COBL: variants seen among roughly 807,000 people sequenced by gnomAD.
COBL encodes cordon-bleu WH2 repeat protein.
COBL carries 51 observed loss-of-function variants against 98.8 expected under a neutral mutation model. That is an observed-to-expected ratio of 0.52 (90% confidence interval 0.41 to 0.65). The LOEUF is 0.65. Among genes scored for constraint, COBL ranks in the 30% least tolerant of loss-of-function variants. COBL has a pLI of 0.00. For synonymous variants in COBL, 634 were observed against 651.7 expected (o/e 0.97, Z 0.41); for missense variants, 1,617 against 1,617.5 (o/e 1.00, Z 0.01).
chr7:51,213,341 G>A (rs903551038), intron 2 of COBL, among the ~76,000 whole-genome samples: 1 of 152,208 alleles, frequency 6.6e-6, no homozygotes, highest in Non-Finnish European at 1.5e-5. Flanking sequence ...CAACCGCAGT[G>A]GCATTCGATT....
chr7:51,299,081 A>C (rs1177937183), intron 1 of COBL, among the ~76,000 whole-genome samples: 1 of 152,208 alleles, frequency 6.6e-6, no homozygotes, highest in African/African-American at 2.4e-5. Context: ...TGGGCACCTC[A>C]TATCTTTCTG....
intron 5 of COBL, among the ~76,000 whole-genome samples, chr7:51,158,810 G>C (rs908281658): frequency 2.0e-5 from 3 of 152,180 alleles, no homozygotes; most frequent in Non-Finnish European, 4.4e-5. Flanking sequence ...AAGCACACTG[G>C]CCTGAGCCAG....
chr7:51,095,432 A>C (rs1724302280), intron 6 of COBL, among the ~76,000 whole-genome samples: 1 of 152,216 alleles, frequency 6.6e-6, no homozygotes, highest in African/African-American at 2.4e-5. Context: ...CGTCAACAAA[A>C]TACAAAGGAG....
At chr7:51,043,344 C>T in intron 8 of COBL, 39 bp downstream of exon 8, 2 of 1,577,528 alleles carry the variant, frequency 1.3e-6, no homozygotes, top group Non-Finnish European at 1.7e-6. Context: ...ACAGATGTGG[C>T]TGTGACTTCC....
In COBL at chr7:51,029,135, C is replaced by T; in HGVS notation, c.1961G>A (p.Cys654Tyr). 3 of 1,614,206 alleles carry T rather than the reference C, an allele frequency of 1.9e-6. No individual in the cohort carries two copies. Among genetic ancestry groups the T allele is most frequent in the Non-Finnish European group, 1.7e-6 (2 of 1,180,042 alleles). ...GGCTTGAGTCCTCTCCCCGTCAGCA[C>T]AGCCATACACTTTGTCTTTCACTTT... is the stretch of plus-strand genomic sequence containing the variant. ...NAKVKDKVYG[C>Y]ADGERTQATE... The change falls in exon 10 of 13, where the codon TGT becomes TAT. Residue 654 changes from cysteine (C) to tyrosine (Y), a missense_variant. Coordinates refer to ENST00000265136, the MANE Select transcript of COBL (RefSeq NM_015198.5).
chr7:51,026,387 C>T (rs1226371692), intron 11 of COBL, among the ~76,000 whole-genome samples, 159 bp downstream of exon 11: 1 of 152,206 alleles, frequency 6.6e-6, no homozygotes, highest in African/African-American at 2.4e-5. Flanking sequence ...GGGTGTCCAC[C>T]CCAGTGTCTC....
intron 6 of COBL, among the ~76,000 whole-genome samples, chr7:51,089,179 G>A (rs1054319891): frequency 1.3e-5 from 2 of 152,088 alleles, no homozygotes; most frequent in African/African-American, 4.8e-5. Context: ...CAGCAGTCAA[G>A]TTTCAGCTTC....
At chr7:51,299,480 C>T (rs1482385862) in intron 1 of COBL, among the ~76,000 whole-genome samples, 1 of 152,188 alleles carries the variant, frequency 6.6e-6, no homozygotes, top group Non-Finnish European at 1.5e-5. Context: ...TTAATAATCC[C>T]TAGCATATGA....
At chr7:51,266,231 T>C (rs1328903490) in intron 1 of COBL, among the ~76,000 whole-genome samples, 1 of 152,240 alleles carries the variant, frequency 6.6e-6, no homozygotes, top group Non-Finnish European at 1.5e-5. Context: ...AATTGTATTA[T>C]AGGCAAAAGC....
intron 1 of COBL, among the ~76,000 whole-genome samples, chr7:51,240,614 G>A (rs1459995926): frequency 1.3e-5 from 2 of 151,994 alleles, no homozygotes; most frequent in Non-Finnish European, 1.5e-5. Context: ...TGGCGCGATC[G>A]CGGCTCACTA....
In COBL at chr7:51,116,981, C is replaced by T. The variant is rs144081101; in HGVS notation, c.957+19177G>A. Reference sequence around the variant, plus strand: ...TAAGTTCTAGGGTACATGTGCACAACGTGCAGGTTTGTTACATATGTACAC... The same window carrying T: ...TAAGTTCTAGGGTACATGTGCACAATGTGCAGGTTTGTTACATATGTACAC... On this transcript the variant is annotated intron_variant, in intron 6 of 12. Transcript: ENST00000265136. Among the ~76,000 whole-genome samples the T allele has an allele frequency of 7.0e-4, 107 of 152,036 alleles. No individual in the cohort carries two copies. The East Asian group carries it at 0.018, about 26-fold the overall frequency.
chr7:51,086,359 A>G (rs976934081), intron 6 of COBL, among the ~76,000 whole-genome samples: 7 of 31,188 alleles, frequency 2.2e-4, no homozygotes, highest in Admixed American at 6.5e-4. Flanking sequence ...TGTGTCTCAG[A>G]AAAAAAAAAA....
chr7:51,022,412 C>T (rs1249632583), intron 12 of COBL, among the ~76,000 whole-genome samples: 1 of 152,224 alleles, frequency 6.6e-6, no homozygotes, highest in Non-Finnish European at 1.5e-5. Context: ...TAGCACTTTA[C>T]AGCCACGGTG....
At chr7:51,126,689 C>T (rs1235518021) in intron 6 of COBL, among the ~76,000 whole-genome samples, 1 of 152,124 alleles carries the variant, frequency 6.6e-6, no homozygotes, top group African/African-American at 2.4e-5. Flanking sequence ...TCGTCAGAGA[C>T]CCTGAGAGTC....
In COBL at chr7:51,227,613, C is replaced by T. The variant is rs1794333849; in HGVS notation, c.42-7669G>A. ...ACTTCCTTAGACTTGTGCAGAGACC[C>T]TGCTCTTTTTAAACTGCCACATGCC... On this transcript the variant is annotated intron_variant, in intron 1 of 12. Coordinates refer to ENST00000265136, the MANE Select transcript of COBL (RefSeq NM_015198.5). Among the ~76,000 whole-genome samples the T allele has an allele frequency of 2.0e-5, 3 of 152,266 alleles. No individual in the cohort carries two copies. The South Asian group carries it at 6.2e-4, about 32-fold the overall frequency.
In COBL at chr7:51,229,280, G is replaced by A. The variant is rs534146589; in HGVS notation, c.42-9336C>T. On this transcript the variant is annotated intron_variant, in intron 1 of 12. Transcript: ENST00000265136. ...CAGCTTTTCCCCGAGCAAGCCCGCGGTGCCGGCGCCTGTACTCCCGGCAAC... is the reference window on the plus strand; with the variant it reads ...CAGCTTTTCCCCGAGCAAGCCCGCGATGCCGGCGCCTGTACTCCCGGCAAC... 1.4e-4 allele frequency among the ~76,000 whole-genome samples: 22 copies of A among 152,344 alleles called. 1 individual carries two copies. In the South Asian group the frequency reaches 4.2e-3, roughly 29 times the overall value.
intron 7 of COBL, among the ~76,000 whole-genome samples, chr7:51,067,080 G>A (rs1265646023): frequency 6.6e-6 from 1 of 152,200 alleles, no homozygotes; most frequent in Non-Finnish European, 1.5e-5. Context: ...GCCTGCCAGT[G>A]ACCGAAGCAC....
intron 7 of COBL, among the ~76,000 whole-genome samples, chr7:51,084,575 G>C (rs1382275593): frequency 2.0e-5 from 3 of 152,136 alleles, no homozygotes; most frequent in African/African-American, 7.2e-5. Context: ...TGTAGCACGA[G>C]GGGTGGGCTA....
At chr7:51,025,080 T>A in intron 12 of COBL, 29 bp downstream of exon 12, 1 of 1,611,792 alleles carries the variant, frequency 6.2e-7, no homozygotes, top group Non-Finnish European at 8.5e-7. Flanking sequence ...TCTGGCCCCA[T>A]TGAAATGCGC....
Sources: gnomAD v4.1 joint callset for allele counts (sites outside exome capture counted in the v4.1 genomes callset) on GRCh38, gnomAD v4.1.1 for gene constraint, MANE v1.5 for transcripts, NCBI Gene and HGNC (gene_info 2026-07-23, HGNC 2026-07-21) for gene names.